AMPH: variants seen among roughly 807,000 people sequenced by gnomAD.
The protein encoded by AMPH is amphiphysin (Stiff-Mann syndrome with breast cancer 128kD autoantigen).
A neutral mutation model predicts 99.1 loss-of-function variants in AMPH; 49 were observed. That is an observed-to-expected ratio of 0.49 (90% CI 0.39 to 0.63). AMPH has a LOEUF of 0.63. Ranked by LOEUF, AMPH falls within the 20% of genes least tolerant of loss-of-function variation. AMPH has a pLI of 0.00. For missense variants in AMPH, 759 were observed against 863.4 expected (o/e 0.88, Z 1.52); for synonymous variants, 314 against 317.3 (o/e 0.99, Z 0.11).
At position 38,565,478 on chromosome 7, in the gene AMPH, G is replaced by GTCTT. The variant is rs572469934; in HGVS notation, c.70-30471_70-30468dup. Among the ~76,000 whole-genome samples, 332 of 152,254 alleles carry GTCTT rather than the reference G, an allele frequency of 2.2e-3. 1 individual carries two copies. Among genetic ancestry groups the GTCTT allele is most frequent in the African/African-American group, 7.5e-3 (313 of 41,560 alleles). ...TACTCCCTAGATACCTCTTCACATG[G>GTCTT]TCTTTTTTTCTGTGCACGTGCTCTT... On this transcript the variant is annotated intron_variant, in intron 1 of 20. Coordinates refer to ENST00000356264, the MANE Select transcript of AMPH (RefSeq NM_001635.4).
rs869172352 is a variant in AMPH, at chr7:38,469,153, CAAAAAAAAAAAAAAAAAAAAA to C, written c.591-2926_591-2906del. Among the ~76,000 whole-genome samples, 135 of 28,882 alleles carry C rather than the reference CAAAAAAAAAAAAAAAAAAAAA, an allele frequency of 4.7e-3. 23 individuals carry two copies. The highest frequency in any genetic ancestry group is 0.03 in the African/African-American group (127 of 4,294). 18.9% of individuals were successfully genotyped at this position (28,882 alleles called of 152,430 possible). A position where few individuals can be genotyped will look rare whatever the true frequency, so the allele number is the denominator to read the frequency against. ...TGGGCGACAGAGCGAGACTCCGCCT[CAAAAAAAAAAAAAAAAAAAAA>C]AAAAAAAAAAAAAAGAACATACAGA... On this transcript the variant is annotated intron_variant, in intron 7 of 20. Coordinates refer to ENST00000356264, the MANE Select transcript of AMPH (RefSeq NM_001635.4).
At chr7:38,476,053 C>T (rs1320478077) in intron 6 of AMPH, among the ~76,000 whole-genome samples, 1 of 152,076 alleles carries the variant, frequency 6.6e-6, no homozygotes, top group Non-Finnish European at 1.5e-5. Flanking sequence ...GAACAGAGTG[C>T]CTGGTATCCA....
intron 17 of AMPH, among the ~76,000 whole-genome samples, chr7:38,399,426 G>A (rs912082728): frequency 6.6e-5 from 10 of 152,136 alleles, no homozygotes; most frequent in Admixed American, 6.5e-5. Context: ...TTTACTGACC[G>A]CAAGAATAGA....
At chr7:38,488,101 T>C (rs939782035) in intron 5 of AMPH, among the ~76,000 whole-genome samples, 3 of 152,234 alleles carry the variant, frequency 2.0e-5, no homozygotes, top group African/African-American at 7.2e-5. Context: ...TCAACCATTC[T>C]GGAAGACAGT....
At chr7:38,614,652 G>A (rs1793809270) in intron 1 of AMPH, among the ~76,000 whole-genome samples, 1 of 152,116 alleles carries the variant, frequency 6.6e-6, no homozygotes, top group South Asian at 2.1e-4. Context: ...TAAAGGTTTT[G>A]TAAGATGTTC....
chr7:38,571,899 C>G (rs892582280), intron 1 of AMPH, among the ~76,000 whole-genome samples: 1 of 122,880 alleles, frequency 8.1e-6, no homozygotes, highest in Non-Finnish European at 1.7e-5. Flanking sequence ...GTACCCTATA[C>G]ACGTTTATCT....
intron 1 of AMPH, among the ~76,000 whole-genome samples, chr7:38,590,192 A>G (rs576634496): frequency 2.3e-3 from 345 of 152,262 alleles, no homozygotes; most frequent in African/African-American, 7.9e-3. Flanking sequence ...GCTGTGGATC[A>G]CAGAAGAGAA....
intron 1 of AMPH, among the ~76,000 whole-genome samples, chr7:38,572,663 C>T (rs897845171): frequency 6.6e-6 from 1 of 152,192 alleles, no homozygotes; most frequent in African/African-American, 2.4e-5. Context: ...GAAGCCAGTC[C>T]ATGGGAAGCT....
intron 1 of AMPH, among the ~76,000 whole-genome samples, chr7:38,590,263 C>G (rs1249663844): frequency 1.3e-5 from 2 of 152,102 alleles, no homozygotes; most frequent in Non-Finnish European, 2.9e-5. Flanking sequence ...CTTAGCTGTG[C>G]AGGAACAATG....
chr7:38,535,014 A>G lies in AMPH; in HGVS notation c.70-3T>C. 2 of 1,612,786 alleles carry G rather than the reference A, an allele frequency of 1.2e-6. No homozygotes were observed. The highest frequency in any genetic ancestry group is 1.7e-6 in the Non-Finnish European group (2 of 1,178,968). ...GCTTTCCCCAGCTTTTGGAGGACCT[A>G]ATTTGCAAATAAAACAAAATGGTTT... On this transcript the variant is annotated splice_polypyrimidine_tract_variant and splice_region_variant and intron_variant, in intron 1 of 20. Transcript: ENST00000356264.
At chr7:38,405,626 C>T (rs2128981737) in intron 17 of AMPH, among the ~76,000 whole-genome samples, 1 of 152,046 alleles carries the variant, frequency 6.6e-6, no homozygotes, top group South Asian at 2.1e-4. Context: ...AACAAGAGTT[C>T]AATTCAACAA....
chr7:38,440,603 A>T (rs998891763), intron 11 of AMPH, among the ~76,000 whole-genome samples: 31 of 152,194 alleles, frequency 2.0e-4, no homozygotes, highest in Non-Finnish European at 2.9e-5. Context: ...ACGTAGATAA[A>T]CTAAAATCAA....
At chr7:38,581,028 A>G (rs1391725729) in intron 1 of AMPH, among the ~76,000 whole-genome samples, 1 of 152,086 alleles carries the variant, frequency 6.6e-6, no homozygotes, top group Non-Finnish European at 1.5e-5. Context: ...TCTACTTTCC[A>G]TTCATTCATT....
intron 1 of AMPH, among the ~76,000 whole-genome samples, chr7:38,608,435 C>G (rs1338382030): frequency 6.6e-6 from 1 of 152,134 alleles, no homozygotes; most frequent in Admixed American, 6.5e-5. Flanking sequence ...CTCTCTGCCC[C>G]CTTCTTCCAC....
chr7:38,576,451 C>T (rs1792249193), intron 1 of AMPH, among the ~76,000 whole-genome samples: 1 of 152,056 alleles, frequency 6.6e-6, no homozygotes, highest in African/African-American at 2.4e-5. Flanking sequence ...GCTCTATCTT[C>T]ATTATTTTTC....
chr7:38,443,373 T>G (rs1024162618), intron 11 of AMPH, among the ~76,000 whole-genome samples: 5 of 152,042 alleles, frequency 3.3e-5, no homozygotes, highest in Non-Finnish European at 1.5e-5. Flanking sequence ...ACCCTAGTAT[T>G]AAATCATAAA....
chr7:38,415,758 G>C (rs1172722648), intron 17 of AMPH, among the ~76,000 whole-genome samples: 1 of 152,042 alleles, frequency 6.6e-6, no homozygotes, highest in Admixed American at 6.5e-5. Flanking sequence ...TTATTTTTCA[G>C]TCCATATGGA....
At chr7:38,608,555 C>T (rs1584299718) in intron 1 of AMPH, among the ~76,000 whole-genome samples, 1 of 152,258 alleles carries the variant, frequency 6.6e-6, no homozygotes, top group South Asian at 2.1e-4. Context: ...CCTGAAAACC[C>T]TCAGACTTGA....
chr7:38,566,308 GT>G (rs11305133), intron 1 of AMPH, among the ~76,000 whole-genome samples: 98,285 of 150,314 alleles, frequency 0.65, 32,692 homozygotes, highest in Non-Finnish European at 0.73. Context: ...CTTGTTTATT[GT>G]TTTTTTTTTG....
Sources: gnomAD v4.1 joint callset for allele counts (sites outside exome capture counted in the v4.1 genomes callset) on GRCh38, gnomAD v4.1.1 for gene constraint, MANE v1.5 for transcripts, NCBI Gene and HGNC (gene_info 2026-07-23, HGNC 2026-07-21) for gene names.